NLRC4: variants seen among roughly 807,000 people sequenced by gnomAD.
NLRC4 encodes the protein NLR family CARD domain containing 4, also known as NLR family CARD domain-containing protein 4.
NLRC4 carries 63 observed loss-of-function variants against 79.9 expected under a neutral mutation model. That is an observed-to-expected ratio of 0.79 (90% CI 0.64 to 0.97). The LOEUF (loss-of-function observed/expected upper bound fraction) is 0.97, where lower values mean the gene tolerates loss of function less well. NLRC4 is among the 50% of genes least tolerant of loss of function. The pLI, the probability that NLRC4 is intolerant of heterozygous loss-of-function variation, is 0.00. For missense variants in NLRC4, 1,074 were observed against 1,215.2 expected (o/e 0.88, Z 1.73); for synonymous variants, 461 against 456.5 (o/e 1.01, Z -0.12).
intron 4 of NLRC4, among the ~76,000 whole-genome samples, chr2:32,241,784 A>G (rs1262825370): frequency 1.1e-5 from 1 of 93,072 alleles, no homozygotes; most frequent in East Asian, 2.5e-4. Context: ...TTTGAAAAAT[A>G]TAAAAATAAA....
intron 8 of NLRC4, among the ~76,000 whole-genome samples, chr2:32,231,408 A>G (rs541346715): frequency 1.7e-4 from 25 of 150,450 alleles, no homozygotes; most frequent in Admixed American, 3.3e-4. Flanking sequence ...ACCTGCCTCA[A>G]CCTCCCAAAG....
intron 4 of NLRC4, among the ~76,000 whole-genome samples, chr2:32,244,955 C>G (rs561567153): frequency 6.6e-6 from 1 of 151,634 alleles, no homozygotes. Context: ...AGTGAGGTAG[C>G]GAGGTGTGGT....
intron 7 of NLRC4, among the ~76,000 whole-genome samples, chr2:32,235,955 T>C (rs1018926614): frequency 6.6e-6 from 1 of 152,190 alleles, no homozygotes; most frequent in South Asian, 2.1e-4. Context: ...CACCAATTCC[T>C]TAAGCAAATT....
intron 8 of NLRC4, among the ~76,000 whole-genome samples, chr2:32,231,957 T>C (rs1320204601): frequency 1.3e-5 from 2 of 152,248 alleles, no homozygotes; most frequent in African/African-American, 4.8e-5. Flanking sequence ...CTCATGCTTA[T>C]GACGATTTCT....
intron 5 of NLRC4, among the ~76,000 whole-genome samples, chr2:32,238,668 G>T (rs1442884513): frequency 6.6e-6 from 1 of 151,628 alleles, no homozygotes; most frequent in African/African-American, 2.4e-5. Flanking sequence ...AAACAGCGGG[G>T]GGGCTGAGTT....
At chr2:32,241,735 T>G (rs1285123263) in intron 4 of NLRC4, among the ~76,000 whole-genome samples, 1 of 151,990 alleles carries the variant, frequency 6.6e-6, no homozygotes, top group African/African-American at 2.4e-5. Context: ...TAAATAATCA[T>G]GCATTAAAGA....
rs146516795 is a variant in NLRC4, at chr2:32,250,781, C to T, written c.1083G>A (p.Thr361=). ...ESEFHSHTQT[T]LFHTFYDLLI... ...ACAGATCATAGAAGGTATGGAACAG[C>T]GTTGTTTGTGTGTGAGAGTGGAACT... The change falls in exon 4 of 9, where the codon ACG becomes ACA. Residue 361 remains threonine, a synonymous_variant. Coordinates refer to ENST00000402280, the MANE Select transcript of NLRC4 (RefSeq NM_001199138.2). This position sits in a 1 kb window ranked among gnomAD's most constrained non-coding sequence, Gnocchi z 4.9. The T allele has an allele frequency of 3.8e-4, 614 of 1,614,146 alleles. 4 individuals carry two copies. The East Asian group carries it at 0.011, about 30-fold the overall frequency.
chr2:32,258,249 T>G lies in NLRC4; in HGVS notation c.-118-1356A>C, dbSNP rs563635530. ...CTGTTGTGTGCTCTTCCGCCAGCAT[T>G]CTCCCTTCAACGTCCTCTGGACGTC... is the stretch of plus-strand genomic sequence containing the variant. On this transcript the variant is annotated intron_variant, in intron 1 of 8. Coordinates refer to ENST00000402280, the MANE Select transcript of NLRC4 (RefSeq NM_001199138.2). Among the ~76,000 whole-genome samples the G allele has an allele frequency of 3.3e-5, 5 of 152,282 alleles. No homozygotes were observed. In the East Asian group the frequency reaches 9.7e-4, roughly 29 times the overall value.
At chr2:32,229,452 C>T (rs1033012714) in intron 8 of NLRC4, among the ~76,000 whole-genome samples, 7 of 152,048 alleles carry the variant, frequency 4.6e-5, no homozygotes, top group Non-Finnish European at 8.8e-5. Flanking sequence ...CAAGATCGCA[C>T]CACTGCACTG....
chr2:32,244,778 G>T (rs960785366), intron 4 of NLRC4, among the ~76,000 whole-genome samples: 1 of 151,290 alleles, frequency 6.6e-6, no homozygotes, highest in Non-Finnish European at 1.5e-5. Context: ...AGGAGTTCAA[G>T]ACTGGCCTTG....
intron 4 of NLRC4, 148 bp from the exon 5 acceptor site, chr2:32,241,273 C>A: frequency 1.8e-6 from 1 of 542,988 alleles, no homozygotes; most frequent in Non-Finnish European, 3.2e-6. Context: ...TAAAAATATA[C>A]TTTTTATAAG....
At chr2:32,238,004 G>A (rs1041170140) in intron 6 of NLRC4, 128 bp downstream of exon 6, 21 of 616,076 alleles carry the variant, frequency 3.4e-5, no homozygotes, top group Middle Eastern at 3.0e-4. Context: ...GCTTATTATC[G>A]AGAAGTTTTT....
chr2:32,234,141 G>A (rs1686618537), intron 8 of NLRC4, among the ~76,000 whole-genome samples: 1 of 152,130 alleles, frequency 6.6e-6, no homozygotes, highest in Non-Finnish European at 1.5e-5. Context: ...CAGCACTTTG[G>A]GAGGCCAGGG....
At chr2:32,257,204 A>C (rs1687226925) in intron 1 of NLRC4, among the ~76,000 whole-genome samples, 1 of 152,262 alleles carries the variant, frequency 6.6e-6, no homozygotes, top group Non-Finnish European at 1.5e-5. Context: ...TGTCAACATG[A>C]ATGGTGCAGA....
In NLRC4 at chr2:32,250,084, A is replaced by C; in HGVS notation, c.1780T>G (p.Tyr594Asp). 10 of 1,614,214 alleles carry C rather than the reference A, an allele frequency of 6.2e-6. No individual in the cohort carries two copies. Among genetic ancestry groups the C allele is most frequent in the Non-Finnish European group, 8.5e-6 (10 of 1,180,012 alleles). The change falls in exon 4 of 9, where the codon TAC (tyrosine) becomes GAC (aspartate). Residue 594 changes from tyrosine to aspartate, a missense_variant. Tyr to Asp is a radical substitution (Grantham distance 160). Transcript: ENST00000402280. This position sits in a 1 kb window ranked among gnomAD's most constrained non-coding sequence, Gnocchi z 4.9. ...AAATGTTCAAAGAAGTCAAATAAGTAATCGGGGATGTTCCCTGAGTTGATA... is the reference window on the plus strand; with the variant it reads ...AAATGTTCAAAGAAGTCAAATAAGTCATCGGGGATGTTCCCTGAGTTGATA... ...LYINSGNIPDYLFDFFEHLPN... is the reference protein window; with the variant it reads ...LYINSGNIPDDLFDFFEHLPN...
chr2:32,226,042 G>C (rs770542728), intron 8 of NLRC4, among the ~76,000 whole-genome samples: 1 of 152,182 alleles, frequency 6.6e-6, no homozygotes, highest in Non-Finnish European at 1.5e-5. Flanking sequence ...CCACTAAAGA[G>C]TTCAAGTTAA....
rs775273312 is a variant in NLRC4 at position 32,251,568 on chromosome 2, T to C, written c.296A>G (p.Asp99Gly). 3.4e-5 allele frequency: 55 copies of C among 1,608,090 alleles called. No individual in the cohort carries two copies. Among genetic ancestry groups the C allele is most frequent in the Non-Finnish European group, 4.6e-5 (54 of 1,177,266 alleles). The change falls in exon 4 of 9, where the codon GAC (aspartate) becomes GGC (glycine). Residue 99 changes from aspartate (D) to glycine (G), a missense_variant. Transcript: ENST00000402280. ...LFHQTSEGDLDDLAQDLKDLY... is the reference protein window; with the variant it reads ...LFHQTSEGDLGDLAQDLKDLY... The stretch of plus-strand genomic sequence containing the variant: ...GTCCTTTAAATCCTGAGCCAAATCG[T>C]CCAAGTCTCCTTCTGATGTCTGATG...
At chr2:32,230,766 C>A (rs1287415267) in intron 8 of NLRC4, among the ~76,000 whole-genome samples, 1 of 152,090 alleles carries the variant, frequency 6.6e-6, no homozygotes, top group Non-Finnish European at 1.5e-5. Context: ...TATTGGTTTT[C>A]ATTTATCTTG....
chr2:32,245,976 G>C (rs1342960177), intron 4 of NLRC4, among the ~76,000 whole-genome samples: 1 of 152,094 alleles, frequency 6.6e-6, no homozygotes, highest in Non-Finnish European at 1.5e-5. Flanking sequence ...CTGAGGTTGG[G>C]AGTTTGAAAC....
Sources: gnomAD v4.1 joint callset for allele counts (sites outside exome capture counted in the v4.1 genomes callset) on GRCh38, gnomAD v4.1.1 for gene constraint, Gnocchi (gnomAD v3.1) non-coding constraint, MANE v1.5 for transcripts, NCBI Gene and HGNC (gene_info 2026-07-23, HGNC 2026-07-21) for gene names.